Variants in MANEA observed in about 807,000 individuals in gnomAD.
The protein encoded by MANEA is glycoprotein endo-alpha-1,2-mannosidase.
Under a neutral mutation model 36.8 loss-of-function variants are expected in MANEA, and 25 were observed. The ratio of observed to expected loss-of-function variants is 0.68; its 90% CI spans 0.50 to 0.95. The LOEUF is 0.95. Ranked by LOEUF, MANEA falls within the 40% of genes least tolerant of loss-of-function variation. The pLI is 0.00. For missense variants in MANEA, 565 were observed against 558.8 expected (o/e 1.01, Z -0.11); for synonymous variants, 198 against 188.5 (o/e 1.05, Z -0.41).
chr6:95,578,858 G>A (rs1769125405), intron 1 of MANEA, among the ~76,000 whole-genome samples: 1 of 152,146 alleles, frequency 6.6e-6, no homozygotes, highest in Admixed American at 6.5e-5. Context: ...CTTTCATCTT[G>A]TGTCACAAAA....
At chr6:95,598,564 G>C (rs747356289) in intron 3 of MANEA, among the ~76,000 whole-genome samples, 5 of 152,006 alleles carry the variant, frequency 3.3e-5, no homozygotes, top group Non-Finnish European at 7.4e-5. Context: ...GTTTTTGTTT[G>C]TTTTGTTTTT....
Position 95,609,328 on chromosome 6 carries a change from CTGTT to C in MANEA, c.*2924_*2927del, listed in dbSNP as rs1769777798. ...TAAGGACTAATATTGTCAAAAACTG[CTGTT>C]ATTAACTTCACTTGAGTTGTTTAAC... is the stretch of plus-strand genomic sequence containing the variant. On this transcript the variant is annotated 3_prime_UTR_variant, in exon 5 of 5. Coordinates refer to ENST00000358812, the MANE Select transcript of MANEA (RefSeq NM_024641.4). The C allele has an allele frequency of 6.6e-6, 1 of 151,770 alleles. No homozygotes were observed. Among genetic ancestry groups the C allele is most frequent in the African/African-American group, 2.4e-5 (1 of 41,506 alleles). 9.4% of individuals were successfully genotyped at this position (151,770 alleles called of 1,614,324 possible). A position where few individuals can be genotyped will look rare whatever the true frequency, so the allele number is the denominator to read the frequency against.
At chr6:95,597,645 A>G (rs1769505483) in intron 3 of MANEA, among the ~76,000 whole-genome samples, 1 of 152,074 alleles carries the variant, frequency 6.6e-6, no homozygotes, top group East Asian at 1.9e-4. Flanking sequence ...ACCATTTAGA[A>G]AGTATAAAAT....
intron 3 of MANEA, among the ~76,000 whole-genome samples, chr6:95,601,716 ATTTTTTTTTTTTTTTT>A (rs67335804): frequency 1.5e-5 from 1 of 64,968 alleles, no homozygotes; most frequent in African/African-American, 6.3e-5. Context: ...AGATTCAGTG[ATTTTTTTTTTTTTTTT>A]TTTTTTTTTT....
intron 1 of MANEA, among the ~76,000 whole-genome samples, chr6:95,585,136 AT>A (rs1769256944): frequency 1.8e-4 from 3 of 16,862 alleles, no homozygotes; most frequent in African/African-American, 3.2e-4. Flanking sequence ...ACTTATACTC[AT>A]ATATATATAT....
In MANEA at chr6:95,586,430, G is replaced by C; in HGVS notation, c.-10G>C. 3.1e-6 allele frequency: 5 copies of C among 1,598,282 alleles called. No homozygotes were observed. The highest frequency in any genetic ancestry group is 4.3e-6 in the Non-Finnish European group (5 of 1,171,988). ...AACACTTACTATTTTGGAGTTTAAA[G>C]TATGTCATCATGGCAAAGTTTCGGA... On this transcript the variant is annotated 5_prime_UTR_variant, in exon 2 of 5. Transcript: ENST00000358812.
At chr6:95,587,268 A>C in intron 2 of MANEA, 1 of 361,514 alleles carries the variant, frequency 2.8e-6, no homozygotes, top group East Asian at 5.3e-5. Flanking sequence ...TGATTTACAT[A>C]AAATACAATG....
chr6:95,584,424 G>A (rs578197533), intron 1 of MANEA, among the ~76,000 whole-genome samples: 1 of 152,234 alleles, frequency 6.6e-6, no homozygotes, highest in South Asian at 2.1e-4. Context: ...CTCTGGGAGT[G>A]TCTGTCCTAT....
intron 1 of MANEA, among the ~76,000 whole-genome samples, chr6:95,585,607 G>T (rs1271532214): frequency 6.6e-6 from 1 of 152,184 alleles, no homozygotes; most frequent in African/African-American, 2.4e-5. Context: ...GAGCCATCAT[G>T]CCCAGCCTAA....
Position 95,609,118 on chromosome 6 carries a change from A to C in MANEA, c.*2713A>C, listed in dbSNP as rs1769772689. 6.6e-6 allele frequency: 1 copy of C among 151,858 alleles called. No homozygotes were observed. Among genetic ancestry groups the C allele is most frequent in the African/African-American group, 2.4e-5 (1 of 41,442 alleles). The allele number at this position is 151,858 out of a possible 1,614,324, so 9.4% of individuals were successfully genotyped here. On this transcript the variant is annotated 3_prime_UTR_variant, in exon 5 of 5. Coordinates refer to ENST00000358812, the MANE Select transcript of MANEA (RefSeq NM_024641.4). Reference sequence around the variant, plus strand: ...AAATTGTTATGATAACAAGTAAATAAGAGCAAAGAATGTATTTCTTAATTC... The same window carrying C: ...AAATTGTTATGATAACAAGTAAATACGAGCAAAGAATGTATTTCTTAATTC...
chr6:95,586,290 C>G (rs1000385831), intron 1 of MANEA, 112 bp from the exon 2 acceptor site: 4 of 619,988 alleles, frequency 6.5e-6, no homozygotes, highest in African/African-American at 3.7e-5. Context: ...GTGATGAAAT[C>G]AGTATTAATT....
intron 1 of MANEA, among the ~76,000 whole-genome samples, chr6:95,584,041 C>T (rs922410546): frequency 2.6e-5 from 4 of 152,092 alleles, no homozygotes; most frequent in Non-Finnish European, 5.9e-5. Context: ...CCTAAGAATA[C>T]TCTTATAATT....
rs1245391273 is a variant in MANEA, at chr6:95,586,788, G to A, written c.349G>A (p.Asp117Asn). The A allele has an allele frequency of 1.9e-6, 3 of 1,613,894 alleles. No individual in the cohort carries two copies. Among genetic ancestry groups the A allele is most frequent in the East Asian group, 4.5e-5 (2 of 44,860 alleles). ...YYSWYGNPQFDGKYIHWNHPV... is the reference protein window; with the variant it reads ...YYSWYGNPQFNGKYIHWNHPV... ...CAGTTGGTATGGAAATCCACAATTT[G>A]ATGGTAAATATATACATTGGAATCA... Residue 117 changes from aspartate to asparagine, a missense_variant, in exon 2 of 5, where the codon GAT (aspartate) becomes AAT (asparagine). Physicochemically the swap from Asp to Asn is conservative, Grantham distance 23. Transcript: ENST00000358812.
chr6:95,601,716 A>ATTTTTTTTTTTTTTGTTTTTTTTTTT (rs1769595438), intron 3 of MANEA, among the ~76,000 whole-genome samples: 1 of 64,968 alleles, frequency 1.5e-5, no homozygotes, highest in Non-Finnish European at 2.7e-5. Context: ...AGATTCAGTG[A>ATTTTTTTTTTTTTTGTTTTTTTTTTT]TTTTTTTTTT....
chr6:95,585,794 G>T (rs1159450935), intron 1 of MANEA, among the ~76,000 whole-genome samples: 1 of 152,056 alleles, frequency 6.6e-6, no homozygotes, highest in East Asian at 1.9e-4. Context: ...TTTAATGACT[G>T]GGTTTTTCAT....
chr6:95,601,744 T>TTTTTTTTTG (rs1769597641), intron 3 of MANEA, among the ~76,000 whole-genome samples: 2 of 104,732 alleles, frequency 1.9e-5, no homozygotes, highest in African/African-American at 3.5e-5. Context: ...TTTTTTTTTT[T>TTTTTTTTTG]GCTTAGGATT....
At chr6:95,597,418 G>A (rs1414309119) in intron 3 of MANEA, among the ~76,000 whole-genome samples, 1 of 151,892 alleles carries the variant, frequency 6.6e-6, no homozygotes, top group Non-Finnish European at 1.5e-5. Flanking sequence ...ACAAATAGGA[G>A]TGATGATTAA....
rs927728321 is a variant in MANEA at position 95,577,637 on chromosome 6, T to C, written c.-40T>C. 5.3e-5 allele frequency: 8 copies of C among 152,338 alleles called. No individual in the cohort carries two copies. The highest frequency in any genetic ancestry group is 1.9e-4 in the African/African-American group (8 of 41,456). 9.4% of individuals were successfully genotyped at this position (152,338 alleles called of 1,614,324 possible). On this transcript the variant is annotated splice_region_variant and 5_prime_UTR_variant, in exon 1 of 5. Transcript: ENST00000358812. The stretch of plus-strand genomic sequence containing the variant: ...TTGCAAGAAGTGAATTACCCGACCC[T>C]GGTGAGTAGCTGCAGGAGTCAGACC...
intron 3 of MANEA, among the ~76,000 whole-genome samples, chr6:95,602,086 G>T (rs75506530): frequency 0.023 from 3,569 of 152,152 alleles, 69 homozygotes; most frequent in Non-Finnish European, 0.036. Context: ...TGAATTCATG[G>T]CAGAAACTTT....
Sources: gnomAD v4.1 joint callset for allele counts (sites outside exome capture counted in the v4.1 genomes callset) on GRCh38, gnomAD v4.1.1 for gene constraint, MANE v1.5 for transcripts, NCBI Gene and HGNC (gene_info 2026-07-23, HGNC 2026-07-21) for gene names.